Variants in HIPK2 observed in about 807,000 individuals in gnomAD.
The protein encoded by HIPK2 is homeodomain-interacting protein kinase 2.
Under a neutral mutation model 113.7 loss-of-function variants are expected in HIPK2, and 27 were observed. The ratio of observed to expected loss-of-function variants is 0.24; its 90% CI spans 0.17 to 0.33. The LOEUF is 0.33. Ranked by LOEUF, HIPK2 falls within the 10% of genes least tolerant of loss-of-function variation. The pLI, the probability that HIPK2 is intolerant of heterozygous loss-of-function variation, is 1.00. For missense variants in HIPK2, 1,257 were observed against 1,588.0 expected, an observed-to-expected ratio of 0.79 and a Z score of 3.54; for synonymous variants, 631 against 642.2, an observed-to-expected ratio of 0.98 and a Z score of 0.26.
intron 2 of HIPK2, among the ~76,000 whole-genome samples, chr7:139,663,945 G>A (rs924682905): frequency 6.6e-6 from 1 of 152,162 alleles, no homozygotes; most frequent in Non-Finnish European, 1.5e-5. Flanking sequence ...CCAAGCCAGT[G>A]TCCACATACA....
intron 2 of HIPK2, among the ~76,000 whole-genome samples, chr7:139,676,039 C>T (rs1464782583): frequency 4.6e-5 from 7 of 152,192 alleles, no homozygotes; most frequent in African/African-American, 1.7e-4. Flanking sequence ...AAGTATGCAT[C>T]GTCACTTTGC....
chr7:139,748,139 C>A (rs1011131151), intron 1 of HIPK2, among the ~76,000 whole-genome samples: 3 of 152,252 alleles, frequency 2.0e-5, no homozygotes, highest in African/African-American at 7.2e-5. Context: ...GTCACCTCCA[C>A]GCAATGACCT....
rs139649601 is a variant in HIPK2, at chr7:139,613,945, A to G, written c.1990+341T>C. Among the ~76,000 whole-genome samples the G allele has an allele frequency of 1.1e-4, 16 of 152,356 alleles. No homozygotes were observed. The East Asian group carries it at 3.1e-3, about 29-fold the overall frequency. On this transcript the variant is annotated intron_variant, in intron 8 of 14. Transcript: ENST00000406875. This position sits in a 1 kb window ranked among gnomAD's most constrained non-coding sequence, Gnocchi z 4.2. ...TGGCAGTTTTCTACAGATAACCCAC[A>G]CAGAGGATATTTCATGCGAGGAAAA...
intron 13 of HIPK2, chr7:139,583,610 T>A: frequency 7.7e-6 from 5 of 652,520 alleles, no homozygotes; most frequent in Non-Finnish European, 1.3e-5. Flanking sequence ...GATTACAGGA[T>A]TAAAGAAGGA....
chr7:139,732,384 C>T (rs1795815474), intron 1 of HIPK2, among the ~76,000 whole-genome samples: 1 of 152,180 alleles, frequency 6.6e-6, no homozygotes, highest in Non-Finnish European at 1.5e-5. Context: ...TGGCACGGAG[C>T]CACTTACACC....
intron 2 of HIPK2, among the ~76,000 whole-genome samples, chr7:139,641,114 C>T (rs187838525): frequency 9.9e-4 from 151 of 152,296 alleles, no homozygotes; most frequent in African/African-American, 3.5e-3. Context: ...CCTGTAATCC[C>T]AGTACTTTGG....
At chr7:139,750,544 A>G (rs1308379105) in intron 1 of HIPK2, among the ~76,000 whole-genome samples, 1 of 152,250 alleles carries the variant, frequency 6.6e-6, no homozygotes, top group African/African-American at 2.4e-5. Context: ...GTTGTCTGAT[A>G]GGCACGTAGA....
At chr7:139,622,016 T>A (rs1451256819) in intron 6 of HIPK2, among the ~76,000 whole-genome samples, 2 of 151,778 alleles carry the variant, frequency 1.3e-5, no homozygotes, top group African/African-American at 4.8e-5. Context: ...AAAAATGTAA[T>A]AACTGAATGA....
rs922485783 is a variant in HIPK2, at chr7:139,596,698, T to A, written c.2717+19A>T. ...CCCTCCCGGCTCCTTCCTGGAAGGCTAAGGTGGCACTGCCTCACCTGGTGG... is the reference window on the plus strand; with the variant it reads ...CCCTCCCGGCTCCTTCCTGGAAGGCAAAGGTGGCACTGCCTCACCTGGTGG... On this transcript the variant is annotated intron_variant, in intron 12 of 14. Coordinates refer to ENST00000406875, the MANE Select transcript of HIPK2 (RefSeq NM_022740.5). 1 of 1,605,780 alleles carries A rather than the reference T, an allele frequency of 6.2e-7. No individual in the cohort carries two copies. Among genetic ancestry groups the A allele is most frequent in the Non-Finnish European group, 8.5e-7 (1 of 1,173,058 alleles).
At chr7:139,592,542 G>C (rs1799063161) in intron 12 of HIPK2, among the ~76,000 whole-genome samples, 1 of 152,158 alleles carries the variant, frequency 6.6e-6, no homozygotes, top group South Asian at 2.1e-4. Flanking sequence ...TTCAAGACCA[G>C]CCTGGGCAAC....
At chr7:139,624,347 G>C (rs1027966509) in intron 6 of HIPK2, among the ~76,000 whole-genome samples, 1 of 152,002 alleles carries the variant, frequency 6.6e-6, no homozygotes, top group Non-Finnish European at 1.5e-5. Context: ...TCTCCCCTTC[G>C]TTCACTGAGG....
At chr7:139,742,633 T>A (rs907922945) in intron 1 of HIPK2, among the ~76,000 whole-genome samples, 2 of 152,246 alleles carry the variant, frequency 1.3e-5, no homozygotes, top group African/African-American at 2.4e-5. Flanking sequence ...ATTTATCTTA[T>A]CATTCCAAAT....
intron 1 of HIPK2, among the ~76,000 whole-genome samples, chr7:139,764,461 G>A (rs1443366138): frequency 1.3e-5 from 2 of 152,182 alleles, no homozygotes; most frequent in African/African-American, 4.8e-5. Context: ...ACAAAGTCAA[G>A]GATGACTCTG....
intron 5 of HIPK2, among the ~76,000 whole-genome samples, chr7:139,628,451 G>T (rs1342745343): frequency 4.6e-5 from 7 of 151,788 alleles, no homozygotes; most frequent in Non-Finnish European, 1.0e-4. Context: ...TTGTTTTTTT[G>T]TTTTTTTTGA....
At position 139,631,846 on chromosome 7, in the gene HIPK2, G is replaced by T; in HGVS notation, c.1104-121C>A. The stretch of plus-strand genomic sequence containing the variant: ...TGACTCCTCCTCTGAAGGGCCTGTG[G>T]CTCTCAGGAGAGGCGCTGTGCTACA... On this transcript the variant is annotated intron_variant, in intron 2 of 14. Coordinates refer to ENST00000406875, the MANE Select transcript of HIPK2 (RefSeq NM_022740.5). This position sits in a 1 kb window ranked among gnomAD's most constrained non-coding sequence, Gnocchi z 4.9. The T allele has an allele frequency of 1.6e-6, 2 of 1,255,020 alleles. No individual in the cohort carries two copies. The highest frequency in any genetic ancestry group is 1.1e-6 in the Non-Finnish European group (1 of 927,390). 77.7% of individuals were successfully genotyped at this position (1,255,020 alleles called of 1,614,324 possible).
chr7:139,774,559 A>C (rs1796706777), intron 1 of HIPK2, among the ~76,000 whole-genome samples: 1 of 152,236 alleles, frequency 6.6e-6, no homozygotes, highest in Admixed American at 6.5e-5. Context: ...CTTGGTAGAC[A>C]GCTTGGTAGA....
intron 1 of HIPK2, among the ~76,000 whole-genome samples, chr7:139,761,305 A>G (rs1796460421): frequency 6.6e-6 from 1 of 152,254 alleles, no homozygotes; most frequent in African/African-American, 2.4e-5. Context: ...ACCATTAAGT[A>G]AACGATTTGT....
At chr7:139,705,943 C>T (rs958270715) in intron 2 of HIPK2, among the ~76,000 whole-genome samples, 7 of 152,090 alleles carry the variant, frequency 4.6e-5, no homozygotes, top group Admixed American at 2.0e-4. Context: ...GTTCATGCAG[C>T]TCTTACGTAC....
At chr7:139,662,642 C>T (rs953946341) in intron 2 of HIPK2, among the ~76,000 whole-genome samples, 4 of 137,000 alleles carry the variant, frequency 2.9e-5, no homozygotes, top group South Asian at 2.3e-4. Flanking sequence ...TTTTTTGAGA[C>T]GGAGTCTCGC....
Sources: gnomAD v4.1 joint callset for allele counts (sites outside exome capture counted in the v4.1 genomes callset) on GRCh38, gnomAD v4.1.1 for gene constraint, Gnocchi (gnomAD v3.1) non-coding constraint, MANE v1.5 for transcripts, NCBI Gene and HGNC (gene_info 2026-07-23, HGNC 2026-07-21) for gene names.